The following TMEM45A variants were observed in gnomAD, a reference collection of about 807,000 sequenced individuals.
TMEM45A encodes the protein DNA polymerase-transactivated protein 4.
TMEM45A carries 25 observed loss-of-function variants against 32.0 expected under a neutral mutation model. That is an observed-to-expected ratio of 0.78 (90% CI 0.57 to 1.09). The LOEUF (loss-of-function observed/expected upper bound fraction) is 1.09. Among genes scored for constraint, TMEM45A ranks in the 50% least tolerant of loss-of-function variants. TMEM45A has a pLI of 0.00. For missense variants in TMEM45A, 302 were observed against 325.0 expected (o/e 0.93, Z 0.54); for synonymous variants, 122 against 114.8 (o/e 1.06, Z -0.40).
chr3:100,526,027 A>G lies in TMEM45A; in HGVS notation c.-3-29182A>G, dbSNP rs146560928. Among the ~76,000 whole-genome samples the G allele has an allele frequency of 2.4e-3, 368 of 152,062 alleles. 2 individuals are homozygous for G. Among genetic ancestry groups the G allele is most frequent in the African/African-American group, 8.7e-3 (361 of 41,480 alleles). ...GTTCTCTCCCGCGGCTCTGACTCAG[A>G]CTCACCATCTGGGAAATGAGCGTCT... On this transcript the variant is annotated intron_variant, in intron 1 of 5. Transcript: ENST00000323523.
chr3:100,545,622 C>T (rs1247202634), intron 1 of TMEM45A, among the ~76,000 whole-genome samples: 2 of 152,200 alleles, frequency 1.3e-5, no homozygotes, highest in Non-Finnish European at 2.9e-5. Flanking sequence ...TAAAGTTCTT[C>T]CCAAATCCAG....
intron 1 of TMEM45A, among the ~76,000 whole-genome samples, chr3:100,544,420 T>C (rs1389998845): frequency 1.3e-5 from 2 of 152,172 alleles, no homozygotes; most frequent in Non-Finnish European, 2.9e-5. Context: ...TATAATTTGA[T>C]GAGTTTGGGC....
rs746328903 is a variant in TMEM45A, at chr3:100,569,014, G to T, written c.734+47G>T. 3 of 1,559,340 alleles carry T rather than the reference G, an allele frequency of 1.9e-6. No homozygotes were observed. The African/African-American group carries it at 4.1e-5, about 21-fold the overall frequency. Reference sequence around the variant, plus strand: ...ATGGAAGTTCTGTTCCTTGGTATGTGATTATCAAGACTCAGTGGTATTGAA... The same window carrying T: ...ATGGAAGTTCTGTTCCTTGGTATGTTATTATCAAGACTCAGTGGTATTGAA... On this transcript the variant is annotated intron_variant, in intron 5 of 5. Coordinates refer to ENST00000323523, the MANE Select transcript of TMEM45A (RefSeq NM_018004.3).
chr3:100,573,762 G>A (rs1269957245), intron 5 of TMEM45A: 1 of 152,140 alleles, frequency 6.6e-6, no homozygotes, highest in East Asian at 1.9e-4. Context: ...TTATTATTTT[G>A]AGATACGTCC....
intron 1 of TMEM45A, among the ~76,000 whole-genome samples, chr3:100,544,348 T>A (rs1002533705): frequency 2.0e-4 from 30 of 152,198 alleles, no homozygotes; most frequent in African/African-American, 7.2e-4. Context: ...TTTCTTCCCT[T>A]CTTTTCAATC....
chr3:100,527,505 T>A (rs1434383337), intron 1 of TMEM45A, among the ~76,000 whole-genome samples: 2 of 152,188 alleles, frequency 1.3e-5, no homozygotes, highest in Non-Finnish European at 2.9e-5. Context: ...TACAGAATGC[T>A]GGGAATTGTG....
chr3:100,536,275 A>C (rs973426867), intron 1 of TMEM45A, among the ~76,000 whole-genome samples: 7 of 152,166 alleles, frequency 4.6e-5, no homozygotes, highest in Non-Finnish European at 1.0e-4. Context: ...CATATGAGTC[A>C]CTTGGGGATC....
chr3:100,510,129 G>C (rs1576260345), intron 1 of TMEM45A, among the ~76,000 whole-genome samples: 1 of 152,356 alleles, frequency 6.6e-6, no homozygotes, highest in Non-Finnish European at 1.5e-5. Flanking sequence ...AGCTCAAGGA[G>C]GCCTGCCTGC....
chr3:100,576,315 G>C (rs572682692), intron 5 of TMEM45A, among the ~76,000 whole-genome samples: 1 of 152,290 alleles, frequency 6.6e-6, no homozygotes, highest in South Asian at 2.1e-4. Context: ...GCTGGGCGTG[G>C]TGGTGGGCGT....
chr3:100,556,031 C>T (rs1482635905), intron 2 of TMEM45A, among the ~76,000 whole-genome samples: 1 of 151,952 alleles, frequency 6.6e-6, no homozygotes, highest in African/African-American at 2.4e-5. Flanking sequence ...ATTGGCCAGG[C>T]TGGAGTGCAG....
chr3:100,561,306 T>C (rs189650177), intron 4 of TMEM45A, among the ~76,000 whole-genome samples: 81 of 152,294 alleles, frequency 5.3e-4, no homozygotes, highest in Non-Finnish European at 1.1e-3. Flanking sequence ...ATTACCATAT[T>C]TTTTTCTCAC....
At chr3:100,558,913 G>T (rs988705959) in intron 4 of TMEM45A, among the ~76,000 whole-genome samples, 1 of 152,090 alleles carries the variant, frequency 6.6e-6, no homozygotes, top group South Asian at 2.1e-4. Flanking sequence ...TATATAGAAG[G>T]CAGAAAAGAG....
intron 1 of TMEM45A, among the ~76,000 whole-genome samples, chr3:100,552,724 T>G (rs1245196644): frequency 6.6e-6 from 1 of 152,196 alleles, no homozygotes; most frequent in African/African-American, 2.4e-5. Context: ...GTAGAGATGT[T>G]TTGCAAATAT....
chr3:100,541,042 A>G (rs1705863599), intron 1 of TMEM45A, among the ~76,000 whole-genome samples: 1 of 152,188 alleles, frequency 6.6e-6, no homozygotes, highest in South Asian at 2.1e-4. Flanking sequence ...ATGGTATCTC[A>G]TTATGGTTTT....
chr3:100,494,579 G>A (rs145370947), intron 1 of TMEM45A, among the ~76,000 whole-genome samples: 1,947 of 151,868 alleles, frequency 0.013, 30 homozygotes, highest in African/African-American at 0.044. Context: ...CCAAGATCAC[G>A]CCACTGCACT....
At chr3:100,511,078 A>G (rs1219991907) in intron 1 of TMEM45A, among the ~76,000 whole-genome samples, 6 of 152,216 alleles carry the variant, frequency 3.9e-5, no homozygotes, top group Non-Finnish European at 2.9e-5. Flanking sequence ...AACTTCCCCA[A>G]TCTAGCAAGG....
At chr3:100,576,847 G>A in intron 5 of TMEM45A, 78 bp from the exon 6 acceptor site, 2 of 1,058,440 alleles carry the variant, frequency 1.9e-6, no homozygotes, top group Admixed American at 4.2e-5. Flanking sequence ...TCTAGACTTT[G>A]TGGTATAATG....
Position 100,576,257 on chromosome 3 carries a change from T to C in TMEM45A, c.735-668T>C, listed in dbSNP as rs554367238. ...CGAGGTCAGGAGTTCAAGATCAGCC[T>C]GGCCAAGATGGTGAAACCCCATCTC... On this transcript the variant is annotated intron_variant, in intron 5 of 5. Transcript: ENST00000323523. Among the ~76,000 whole-genome samples the C allele has an allele frequency of 2.6e-5, 4 of 152,282 alleles. No homozygotes were observed. In the South Asian group the frequency reaches 8.3e-4, roughly 32 times the overall value.
chr3:100,558,506 C>CTA lies in TMEM45A; in HGVS notation c.506_507dup (p.Glu170Ter). On this transcript the variant is annotated frameshift_variant, in exon 4 of 6. Transcript: ENST00000323523. LOFTEE classifies it high-confidence loss of function. ...CTTTCTGACAGGCCTCGTTGCCTTC[C>CTA]TAGAGTTCCTTGTTCGGAACAATGT... 6.2e-7 allele frequency: 1 copy of CTA among 1,614,120 alleles called. No individual in the cohort carries two copies. Among genetic ancestry groups the CTA allele is most frequent in the South Asian group, 1.1e-5 (1 of 91,080 alleles).
Sources: gnomAD v4.1 joint callset for allele counts (sites outside exome capture counted in the v4.1 genomes callset) on GRCh38, gnomAD v4.1.1 for gene constraint, MANE v1.5 for transcripts, NCBI Gene and HGNC (gene_info 2026-07-23, HGNC 2026-07-21) for gene names.